RPS6KC1: variants seen among roughly 807,000 people sequenced by gnomAD.
RPS6KC1 encodes the protein inactive ribosomal protein S6 kinase delta-1.
Under a neutral mutation model 103.8 loss-of-function variants are expected in RPS6KC1, and 54 were observed. The ratio of observed to expected loss-of-function variants is 0.52; its 90% CI spans 0.42 to 0.65. The LOEUF is 0.65. RPS6KC1 is among the 30% of genes least tolerant of loss of function. The pLI, the probability that RPS6KC1 is intolerant of heterozygous loss-of-function variation, is 0.00. For missense variants in RPS6KC1, 1,151 were observed against 1,253.8 expected, an observed-to-expected ratio of 0.92 and a Z score of 1.24; for synonymous variants, 439 against 438.7, an observed-to-expected ratio of 1.00 and a Z score of -0.01.
At chr1:213,810,742 A>T in the RPS6KC1 span, among the ~76,000 whole-genome samples, 9 of 152,180 alleles carry the variant, frequency 5.9e-5, no homozygotes, top group African/African-American at 1.9e-4. Flanking sequence ...CAGGGCCTGA[A>T]CTCATTTATT....
At chr1:213,773,815 A>T in the RPS6KC1 span, among the ~76,000 whole-genome samples, 1 of 152,176 alleles carries the variant, frequency 6.6e-6, no homozygotes, top group Non-Finnish European at 1.5e-5. Flanking sequence ...CTTAAGGTCA[A>T]CTGATTGCAG....
At chr1:213,787,134 T>C in the RPS6KC1 span, among the ~76,000 whole-genome samples, 2 of 148,426 alleles carry the variant, frequency 1.3e-5, no homozygotes, top group Non-Finnish European at 3.0e-5. Flanking sequence ...GGCTTGTGTT[T>C]CCTCGTCTGT....
chr1:213,119,022 C>T (rs1035693120), intron 5 of RPS6KC1, among the ~76,000 whole-genome samples: 5 of 152,016 alleles, frequency 3.3e-5, no homozygotes, highest in Admixed American at 6.6e-5. Flanking sequence ...CCAGTTTCCT[C>T]GGAAGGTGAC....
the RPS6KC1 span, among the ~76,000 whole-genome samples, chr1:213,678,031 C>T: frequency 1.3e-5 from 2 of 151,786 alleles, no homozygotes; most frequent in Non-Finnish European, 2.9e-5. Flanking sequence ...ATATTTTGGC[C>T]AGACCAGAGA....
the RPS6KC1 span, among the ~76,000 whole-genome samples, chr1:213,468,713 A>G: frequency 6.6e-6 from 1 of 152,222 alleles, no homozygotes; most frequent in Non-Finnish European, 1.5e-5. Context: ...TCTGGTTGTT[A>G]TAGTGCATAT....
the RPS6KC1 span, among the ~76,000 whole-genome samples, chr1:213,661,032 C>T: frequency 1.3e-5 from 2 of 152,102 alleles, no homozygotes; most frequent in Non-Finnish European, 2.9e-5. Flanking sequence ...TCTATTTCAG[C>T]CTAGAACAAT....
the RPS6KC1 span, among the ~76,000 whole-genome samples, chr1:213,370,212 G>A: frequency 6.7e-6 from 1 of 149,328 alleles, no homozygotes; most frequent in Admixed American, 6.6e-5. Flanking sequence ...TACTAAGACA[G>A]TTTGGACCTT....
the RPS6KC1 span, among the ~76,000 whole-genome samples, chr1:213,608,886 T>G: frequency 2.0e-5 from 3 of 152,260 alleles, no homozygotes; most frequent in African/African-American, 7.2e-5. Context: ...ATGACATAGA[T>G]GTACCATTCA....
At chr1:213,412,595 T>C in the RPS6KC1 span, among the ~76,000 whole-genome samples, 2 of 152,238 alleles carry the variant, frequency 1.3e-5, no homozygotes, top group Non-Finnish European at 2.9e-5. Flanking sequence ...CTCTTGGTAT[T>C]GATGCACAGG....
At chr1:213,099,359 G>A (rs1180325228) in intron 3 of RPS6KC1, among the ~76,000 whole-genome samples, 2 of 152,100 alleles carry the variant, frequency 1.3e-5, no homozygotes, top group African/African-American at 4.8e-5. Flanking sequence ...GATGTGGACA[G>A]TGACATTTTG....
the RPS6KC1 span, among the ~76,000 whole-genome samples, chr1:213,396,283 T>G: frequency 6.6e-6 from 1 of 152,148 alleles, no homozygotes; most frequent in Non-Finnish European, 1.5e-5. Context: ...GAGATAATGA[T>G]GCCAGAATGT....
At chr1:213,097,362 T>C (rs2081560305) in intron 3 of RPS6KC1, among the ~76,000 whole-genome samples, 1 of 152,142 alleles carries the variant, frequency 6.6e-6, no homozygotes, top group Non-Finnish European at 1.5e-5. Context: ...AAAAAATTTT[T>C]TTGAAAGGAA....
the RPS6KC1 span, among the ~76,000 whole-genome samples, chr1:213,698,357 C>G: frequency 6.6e-6 from 1 of 152,142 alleles, no homozygotes; most frequent in Non-Finnish European, 1.5e-5. Context: ...CTTGCATCCT[C>G]AAAACTACTT....
the RPS6KC1 span, among the ~76,000 whole-genome samples, chr1:213,739,824 G>C: frequency 6.6e-6 from 1 of 152,138 alleles, no homozygotes; most frequent in African/African-American, 2.4e-5. Context: ...GGTACGCAAA[G>C]ATTCAAAAGT....
chr1:213,084,281 C>A (rs1438485996), intron 3 of RPS6KC1, among the ~76,000 whole-genome samples: 2 of 151,532 alleles, frequency 1.3e-5, no homozygotes, highest in Non-Finnish European at 2.9e-5. Flanking sequence ...TCTTTTCTAA[C>A]TTTTTTGAGA....
At position 213,088,665 on chromosome 1, in the gene RPS6KC1, A is replaced by G. The variant is rs1046508141; in HGVS notation, c.262+10849A>G. 6.6e-5 allele frequency among the ~76,000 whole-genome samples: 10 copies of G among 152,204 alleles called. No individual in the cohort carries two copies. In the South Asian group the frequency reaches 8.3e-4, roughly 13 times the overall value. ...GGCATGAGCCACTGCGCCTGGCCTC[A>G]TGGCTAATTTTTTTTATATTAAACT... is the stretch of plus-strand genomic sequence containing the variant. On this transcript the variant is annotated intron_variant, in intron 3 of 14. Transcript: ENST00000366960.
chr1:213,667,170 T>C, the RPS6KC1 span, among the ~76,000 whole-genome samples: 1 of 151,950 alleles, frequency 6.6e-6, no homozygotes, highest in Non-Finnish European at 1.5e-5. Context: ...TCACTGTACA[T>C]ATTGAGTAAA....
At chr1:213,145,355 G>C (rs966561938) in intron 6 of RPS6KC1, among the ~76,000 whole-genome samples, 3 of 152,134 alleles carry the variant, frequency 2.0e-5, no homozygotes, top group African/African-American at 7.2e-5. Flanking sequence ...TAGGAAGAAT[G>C]AAGTTAGAGT....
At chr1:213,205,562 A>ATATATATATATATATATATATATT (rs1254542240) in intron 8 of RPS6KC1, among the ~76,000 whole-genome samples, 3 of 139,862 alleles carry the variant, frequency 2.1e-5, no homozygotes, top group Non-Finnish European at 1.6e-5. Context: ...ATATATATAT[A>ATATATATATATATATATATATATT]TATATTTCAA....
Sources: allele counts gnomAD v4.1 joint callset (sites outside exome capture counted in the v4.1 genomes callset), GRCh38; gene constraint gnomAD v4.1.1; transcripts MANE v1.5; gene names NCBI Gene and HGNC (gene_info 2026-07-23, HGNC 2026-07-21).